Variants in PCYT1A observed in about 807,000 individuals in gnomAD.
The protein encoded by PCYT1A is choline-phosphate cytidylyltransferase A.
In PCYT1A, 25 loss-of-function variants were observed where a neutral mutation model predicts 43.7. The ratio of observed to expected loss-of-function variants is 0.57; its 90% confidence interval spans 0.42 to 0.80. The LOEUF (loss-of-function observed/expected upper bound fraction) is 0.80. Ranked by LOEUF, PCYT1A falls within the 30% of genes least tolerant of loss-of-function variation. PCYT1A has a pLI of 0.00. For missense variants in PCYT1A, 421 were observed against 474.2 expected (o/e 0.89, Z 1.04); for synonymous variants, 172 against 170.7 (o/e 1.01, Z -0.06).
Position 196,287,640 on chromosome 3 carries a change from G to C in PCYT1A, c.-36C>G, listed in dbSNP as rs574007826. ...CTGCAACTCACGCTCCCCCGAGCCCGGTCCGGTCGGATTTCTGGCCGGCGC... is the reference window on the plus strand; with the variant it reads ...CTGCAACTCACGCTCCCCCGAGCCCCGTCCGGTCGGATTTCTGGCCGGCGC... On this transcript the variant is annotated 5_prime_UTR_variant, in exon 1 of 9. Transcript: ENST00000431016. 1.3e-5 allele frequency: 2 copies of C among 152,244 alleles called. No homozygotes were observed. Among genetic ancestry groups the C allele is most frequent in the Admixed American group, 6.5e-5 (1 of 15,268 alleles). The allele number at this position is 152,244 out of a possible 1,614,324, so 9.4% of individuals were successfully genotyped here.
chr3:196,270,669 A>G, intron 1 of PCYT1A, 128 bp from the exon 2 acceptor site: 1 of 742,820 alleles, frequency 1.3e-6, no homozygotes. Flanking sequence ...CTTCACCAAG[A>G]TGAGCCAATG....
intron 1 of PCYT1A, among the ~76,000 whole-genome samples, chr3:196,284,081 T>C (rs968197289): frequency 6.6e-6 from 1 of 152,210 alleles, no homozygotes; most frequent in African/African-American, 2.4e-5. Context: ...CTATTTCTGC[T>C]TGATTCAGAA....
chr3:196,248,770 T>G (rs1226743729), intron 3 of PCYT1A, among the ~76,000 whole-genome samples: 1 of 151,372 alleles, frequency 6.6e-6, no homozygotes, highest in Non-Finnish European at 1.5e-5. Flanking sequence ...TTTTATTTTT[T>G]TCTTGAGACG....
At chr3:196,283,995 G>GA (rs1158977863) in intron 1 of PCYT1A, among the ~76,000 whole-genome samples, 1 of 152,048 alleles carries the variant, frequency 6.6e-6, no homozygotes, top group Non-Finnish European at 1.5e-5. Context: ...ACAAATCCAA[G>GA]AAAAAAATGA....
chr3:196,270,645 A>G (rs908608617), intron 1 of PCYT1A, 104 bp from the exon 2 acceptor site: 6 of 796,160 alleles, frequency 7.5e-6, no homozygotes, highest in East Asian at 7.3e-5. Flanking sequence ...CAAAATACCA[A>G]TTCTACAGCT....
Position 196,247,672 on chromosome 3 carries a change from A to G in PCYT1A, c.335-154T>C. Reference sequence around the variant, plus strand: ...CTAAAGGTGGTTGAACCTGGGTGATAACGCTTTTCCTAATGCAGCGTATAC... The same window carrying G: ...CTAAAGGTGGTTGAACCTGGGTGATGACGCTTTTCCTAATGCAGCGTATAC... On this transcript the variant is annotated intron_variant, in intron 4 of 8. Transcript: ENST00000431016. This position sits in a 1 kb window ranked among gnomAD's most constrained non-coding sequence, Gnocchi z 4.8. The G allele has an allele frequency of 2.7e-6, 2 of 736,644 alleles. No individual in the cohort carries two copies. The highest frequency in any genetic ancestry group is 4.8e-6 in the Non-Finnish European group (2 of 412,438). The allele number at this position is 736,644 out of a possible 1,614,324, so 45.6% of individuals were successfully genotyped here.
intron 8 of PCYT1A, among the ~76,000 whole-genome samples, chr3:196,239,338 G>A (rs1724280464): frequency 6.6e-6 from 1 of 152,236 alleles, no homozygotes; most frequent in Admixed American, 6.5e-5. Context: ...AAGGTTGAGA[G>A]AGAGCTGGCA....
At position 196,238,191 on chromosome 3, in the gene PCYT1A, T is replaced by C. The variant is rs1724225480; in HGVS notation, c.*497A>G. 1 of 152,796 alleles carries C rather than the reference T, an allele frequency of 6.5e-6. No homozygotes were observed. Among genetic ancestry groups the C allele is most frequent in the Non-Finnish European group, 1.5e-5 (1 of 68,140 alleles). The allele number at this position is 152,796 out of a possible 1,614,324, so 9.5% of individuals were successfully genotyped here. ...AAGGAAATCAAAATTAAGATATTTC[T>C]CCACAAATTACCCATCAGCGTGGCT... On this transcript the variant is annotated 3_prime_UTR_variant, in exon 9 of 9. Coordinates refer to ENST00000431016, the MANE Select transcript of PCYT1A (RefSeq NM_001312673.2).
In PCYT1A at chr3:196,247,339, G is replaced by T. The variant is rs1188647600; in HGVS notation, c.486+28C>A. The T allele has an allele frequency of 6.2e-7, 1 of 1,610,968 alleles. No homozygotes were observed. The highest frequency in any genetic ancestry group is 8.5e-7 in the Non-Finnish European group (1 of 1,178,316). Reference sequence around the variant, plus strand: ...AGAGTTGAGGGGATTCTGAAACAAGGAATGGGAATATGTGTCCAGTTTCTT... The same window carrying T: ...AGAGTTGAGGGGATTCTGAAACAAGTAATGGGAATATGTGTCCAGTTTCTT... On this transcript the variant is annotated intron_variant, in intron 5 of 8. Coordinates refer to ENST00000431016, the MANE Select transcript of PCYT1A (RefSeq NM_001312673.2). This position sits in a 1 kb window ranked among gnomAD's most constrained non-coding sequence, Gnocchi z 4.8.
chr3:196,245,891 C>T (rs542425642), intron 5 of PCYT1A, among the ~76,000 whole-genome samples: 19 of 149,162 alleles, frequency 1.3e-4, no homozygotes, highest in African/African-American at 3.5e-4. Flanking sequence ...GCGGAGGTTG[C>T]GGTGATCCGA....
At chr3:196,246,744 G>T (rs559022954) in intron 5 of PCYT1A, among the ~76,000 whole-genome samples, 1 of 152,324 alleles carries the variant, frequency 6.6e-6, no homozygotes, top group East Asian at 1.9e-4. Flanking sequence ...GTTCACCTGG[G>T]GCTATGGATA....
In PCYT1A at chr3:196,236,745, C is replaced by A. The variant is rs1257067140; in HGVS notation, c.*1943G>T. The A allele has an allele frequency of 3.3e-5, 5 of 152,310 alleles. No individual in the cohort carries two copies. Among genetic ancestry groups the A allele is most frequent in the Admixed American group, 3.3e-4 (5 of 15,286 alleles). The allele number at this position is 152,310 out of a possible 1,614,324, so 9.4% of individuals were successfully genotyped here. ...GCAGCGGCACCATCTCTGCTCACTGCAACCTCCGCCTCCTGGGTTCAAGGG... is the reference window on the plus strand; with the variant it reads ...GCAGCGGCACCATCTCTGCTCACTGAAACCTCCGCCTCCTGGGTTCAAGGG... On this transcript the variant is annotated 3_prime_UTR_variant, in exon 9 of 9. Coordinates refer to ENST00000431016, the MANE Select transcript of PCYT1A (RefSeq NM_001312673.2).
At chr3:196,245,289 A>G (rs1465057171) in intron 5 of PCYT1A, among the ~76,000 whole-genome samples, 1 of 151,908 alleles carries the variant, frequency 6.6e-6, no homozygotes, top group Non-Finnish European at 1.5e-5. Flanking sequence ...CTACAGGCGC[A>G]TGTCACCCCG....
At chr3:196,262,416 C>T (rs770515286) in intron 2 of PCYT1A, among the ~76,000 whole-genome samples, 1 of 152,202 alleles carries the variant, frequency 6.6e-6, no homozygotes, top group South Asian at 2.1e-4. Flanking sequence ...AGGCACTCGA[C>T]GAATTTGTCG....
intron 2 of PCYT1A, among the ~76,000 whole-genome samples, chr3:196,261,577 G>T (rs1725110361): frequency 6.6e-6 from 1 of 152,076 alleles, no homozygotes; most frequent in Non-Finnish European, 1.5e-5. Flanking sequence ...ACCACCTTAG[G>T]TCGGGAGTTC....
intron 1 of PCYT1A, 136 bp from the exon 2 acceptor site, chr3:196,270,677 A>G (rs1269099691): frequency 1.2e-5 from 9 of 724,980 alleles, no homozygotes; most frequent in Non-Finnish European, 7.5e-6. Flanking sequence ...AGATGAGCCA[A>G]TGGCATCTGG....
At chr3:196,267,391 T>C in intron 2 of PCYT1A, 1 of 454,250 alleles carries the variant, frequency 2.2e-6, no homozygotes, top group South Asian at 1.6e-5. Flanking sequence ...GAGTGACTGC[T>C]AATGAGTACA....
chr3:196,282,141 G>A lies in PCYT1A; in HGVS notation c.-11+5474C>T, dbSNP rs1409309508. 9.2e-5 allele frequency among the ~76,000 whole-genome samples: 14 copies of A among 152,076 alleles called. No individual in the cohort carries two copies. Among genetic ancestry groups the A allele is most frequent in the Admixed American group, 5.9e-4 (9 of 15,250 alleles). On this transcript the variant is annotated intron_variant, in intron 1 of 8. Coordinates refer to ENST00000431016, the MANE Select transcript of PCYT1A (RefSeq NM_001312673.2). The surrounding 1 kb of genome is among the most constrained non-coding windows in gnomAD (Gnocchi z 4.3). The stretch of plus-strand genomic sequence containing the variant: ...AACTGGATCTCTTCCCTCTAATTTC[G>A]TCAGAGAAACCCTTATTCAACAAAC...
At chr3:196,266,981 G>A (rs1725293425) in intron 2 of PCYT1A, among the ~76,000 whole-genome samples, 1 of 151,900 alleles carries the variant, frequency 6.6e-6, no homozygotes, top group Admixed American at 6.6e-5. Context: ...GACCATCCTG[G>A]CTAACATGGT....
Sources: allele counts gnomAD v4.1 joint callset (sites outside exome capture counted in the v4.1 genomes callset), GRCh38; gene constraint gnomAD v4.1.1; non-coding constraint Gnocchi (gnomAD v3.1); transcripts MANE v1.5; gene names NCBI Gene and HGNC (gene_info 2026-07-23, HGNC 2026-07-21).